Variants in DPYSL2 observed in about 807,000 individuals in gnomAD.
DPYSL2 encodes the protein dihydropyrimidinase-related protein 2.
A neutral mutation model predicts 69.9 loss-of-function variants in DPYSL2; 13 were observed. The ratio of observed to expected loss-of-function variants is 0.19; its 90% CI spans 0.12 to 0.30. The LOEUF is 0.30. Ranked by LOEUF, DPYSL2 falls within the 10% of genes least tolerant of loss-of-function variation. DPYSL2 has a pLI of 1.00. For synonymous variants in DPYSL2, 326 were observed against 359.1 expected (o/e 0.91, Z 1.04); for missense variants, 587 against 918.9 (o/e 0.64, Z 4.67).
intron 3 of DPYSL2, among the ~76,000 whole-genome samples, chr8:26,600,037 C>G (rs1208881743): frequency 2.6e-5 from 4 of 152,214 alleles, no homozygotes; most frequent in Non-Finnish European, 4.4e-5. Flanking sequence ...TAGCTGGCTT[C>G]TTTCCCTTAG....
chr8:26,583,793 A>G lies in DPYSL2; in HGVS notation c.444-6A>G. 1.9e-6 allele frequency: 3 copies of G among 1,606,606 alleles called. No individual in the cohort carries two copies. The highest frequency in any genetic ancestry group is 2.6e-6 in the Non-Finnish European group (3 of 1,176,470). ...ACAACCCTTATCACCAACCCTGTTT[A>G]TTTAGGCAAATAGGAGAAAATCTGA... On this transcript the variant is annotated splice_polypyrimidine_tract_variant and splice_region_variant and intron_variant, in intron 2 of 13. Transcript: ENST00000521913.
At chr8:26,547,090 C>T (rs1213576275) in intron 1 of DPYSL2, among the ~76,000 whole-genome samples, 2 of 151,142 alleles carry the variant, frequency 1.3e-5, no homozygotes, top group East Asian at 2.0e-4. Context: ...AGGCCAGGAG[C>T]GGTGGCTCAT....
chr8:26,642,997 CTG>C lies in DPYSL2; in HGVS notation c.1127-439_1127-438del, dbSNP rs1276658942. On this transcript the variant is annotated intron_variant, in intron 8 of 13. Coordinates refer to ENST00000521913, the MANE Select transcript of DPYSL2 (RefSeq NM_001197293.3). The surrounding 1 kb of genome is among the most constrained non-coding windows in gnomAD (Gnocchi z 5.3). The stretch of plus-strand genomic sequence containing the variant: ...GCAGACCTTTAGTCAGAGCTAGACA[CTG>C]TGAAGGGCTAGGAATTGTGAAAAGA... The C allele has an allele frequency of 6.3e-6, 1 of 159,594 alleles. No individual in the cohort carries two copies. The highest frequency in any genetic ancestry group is 6.0e-5 in the Admixed American group (1 of 16,726). 9.9% of individuals were successfully genotyped at this position (159,594 alleles called of 1,614,324 possible). A position where few individuals can be genotyped will look rare whatever the true frequency, so the allele number is the denominator to read the frequency against.
intron 1 of DPYSL2, among the ~76,000 whole-genome samples, chr8:26,563,342 T>C (rs1193847853): frequency 2.0e-5 from 3 of 152,244 alleles, no homozygotes; most frequent in Non-Finnish European, 2.9e-5. Context: ...GGCTTCCTCC[T>C]TCTCATCTTT....
At chr8:26,561,790 T>G (rs1239541641) in intron 1 of DPYSL2, among the ~76,000 whole-genome samples, 1 of 152,108 alleles carries the variant, frequency 6.6e-6, no homozygotes, top group Non-Finnish European at 1.5e-5. Context: ...CACAGTAGGG[T>G]TCGAGCTCCT....
chr8:26,530,114 A>AC (rs1563376222), intron 1 of DPYSL2, among the ~76,000 whole-genome samples: 1 of 6,142 alleles, frequency 1.6e-4, no homozygotes, highest in Non-Finnish European at 3.8e-4. Flanking sequence ...CTCCGTCTCC[A>AC]AAAAAAAAAA....
At chr8:26,632,826 T>G (rs1353099917) in intron 7 of DPYSL2, among the ~76,000 whole-genome samples, 1 of 152,260 alleles carries the variant, frequency 6.6e-6, no homozygotes, top group African/African-American at 2.4e-5. Flanking sequence ...GAGAGAGGGC[T>G]TCTCCTTCAG....
Position 26,626,519 on chromosome 8 carries a change from ACACG to A in DPYSL2, c.794-97_794-94del, listed in dbSNP as rs2129912475. On this transcript the variant is annotated intron_variant, in intron 4 of 13. Coordinates refer to ENST00000521913, the MANE Select transcript of DPYSL2 (RefSeq NM_001197293.3). This position sits in a 1 kb window ranked among gnomAD's most constrained non-coding sequence, Gnocchi z 4.3. The stretch of plus-strand genomic sequence containing the variant: ...CACACACACACACACACACACACAC[ACACG>A]TACACACACAGACAGTATTATCACT... 4.1e-6 allele frequency: 4 copies of A among 968,126 alleles called. No homozygotes were observed. Among genetic ancestry groups the A allele is most frequent in the Non-Finnish European group, 1.6e-6 (1 of 622,912 alleles). 60.0% of individuals were successfully genotyped at this position (968,126 alleles called of 1,614,324 possible).
At chr8:26,603,710 T>A (rs979659062) in intron 3 of DPYSL2, among the ~76,000 whole-genome samples, 1 of 152,210 alleles carries the variant, frequency 6.6e-6, no homozygotes, top group Non-Finnish European at 1.5e-5. Flanking sequence ...TCTATTATAG[T>A]TGTTTCTATG....
chr8:26,579,106 C>T (rs1801426667), intron 1 of DPYSL2, among the ~76,000 whole-genome samples: 1 of 152,242 alleles, frequency 6.6e-6, no homozygotes, highest in Admixed American at 6.5e-5. Flanking sequence ...GGCGCGGGGA[C>T]CGCGGCGAGC....
In DPYSL2 at chr8:26,550,723, A is replaced by G. The variant is rs137983000; in HGVS notation, c.355-31246A>G. Among the ~76,000 whole-genome samples, 268 of 152,314 alleles carry G rather than the reference A, an allele frequency of 1.8e-3. 1 individual carries two copies. Among genetic ancestry groups the G allele is most frequent in the Middle Eastern group, 3.4e-3 (1 of 294 alleles). ...GTTATGAAGGCTGAGAATTCCCATG[A>G]TAGACTGTCTGCAAGCTGGAGAACC... On this transcript the variant is annotated intron_variant, in intron 1 of 13. Transcript: ENST00000521913.
intron 1 of DPYSL2, among the ~76,000 whole-genome samples, chr8:26,526,820 C>T (rs755973410): frequency 2.6e-5 from 4 of 152,292 alleles, no homozygotes; most frequent in East Asian, 1.9e-4. Context: ...ATCCATGGGG[C>T]GCCTCTGTCC....
chr8:26,522,260 A>G (rs996708718), intron 1 of DPYSL2, among the ~76,000 whole-genome samples: 10 of 152,210 alleles, frequency 6.6e-5, no homozygotes, highest in Non-Finnish European at 2.9e-5. Flanking sequence ...GTGAGCCAAG[A>G]TCACACCACT....
At chr8:26,549,200 TTAATAATAA>T (rs57336957) in intron 1 of DPYSL2, among the ~76,000 whole-genome samples, 1 of 146,398 alleles carries the variant, frequency 6.8e-6, no homozygotes, top group Non-Finnish European at 1.5e-5. Flanking sequence ...AAAAATTAAG[TTAATAATAA>T]TAATAATAAT....
chr8:26,574,513 T>A (rs1801295131), intron 1 of DPYSL2, among the ~76,000 whole-genome samples: 1 of 152,238 alleles, frequency 6.6e-6, no homozygotes, highest in Admixed American at 6.5e-5. Context: ...TTACTGCATC[T>A]GGCTCTTTTA....
intron 1 of DPYSL2, among the ~76,000 whole-genome samples, chr8:26,563,577 G>C (rs982791370): frequency 6.6e-6 from 1 of 152,146 alleles, no homozygotes; most frequent in African/African-American, 2.4e-5. Flanking sequence ...TTGCTCTTGG[G>C]ACTAAATCTC....
rs922302669 is a variant in DPYSL2, at chr8:26,626,873, C to T, written c.855+195C>T. 6.6e-5 allele frequency among the ~76,000 whole-genome samples: 10 copies of T among 152,276 alleles called. No individual in the cohort carries two copies. The highest frequency in any genetic ancestry group is 3.9e-4 in the East Asian group (2 of 5,160). On this transcript the variant is annotated intron_variant, in intron 5 of 13. Coordinates refer to ENST00000521913, the MANE Select transcript of DPYSL2 (RefSeq NM_001197293.3). The surrounding 1 kb of genome is among the most constrained non-coding windows in gnomAD (Gnocchi z 4.3). ...GCCCTGGCCCCCAGCACTGCCACTCCGCCGCCCTGGATCTGAGGCTCTGCC... is the reference window on the plus strand; with the variant it reads ...GCCCTGGCCCCCAGCACTGCCACTCTGCCGCCCTGGATCTGAGGCTCTGCC...
intron 11 of DPYSL2, among the ~76,000 whole-genome samples, chr8:26,649,142 T>A (rs927165957): frequency 2.0e-5 from 3 of 152,198 alleles, no homozygotes; most frequent in Non-Finnish European, 4.4e-5. Context: ...TTATCCCAAT[T>A]TGGGAAAATA....
chr8:26,626,421 T>C lies in DPYSL2; in HGVS notation c.794-196T>C, dbSNP rs1022027428. On this transcript the variant is annotated intron_variant, in intron 4 of 13. Coordinates refer to ENST00000521913, the MANE Select transcript of DPYSL2 (RefSeq NM_001197293.3). This position sits in a 1 kb window ranked among gnomAD's most constrained non-coding sequence, Gnocchi z 4.3. ...CCACATTCACAGGTTATTTATATGG[T>C]ACTCTGCTTCCTTTACCATTCTGTG... Among the ~76,000 whole-genome samples, 2 of 152,004 alleles carry C rather than the reference T, an allele frequency of 1.3e-5. No individual in the cohort carries two copies. The highest frequency in any genetic ancestry group is 2.9e-5 in the Non-Finnish European group (2 of 68,024).
Sources: gnomAD v4.1 joint callset for allele counts (sites outside exome capture counted in the v4.1 genomes callset) on GRCh38, gnomAD v4.1.1 for gene constraint, Gnocchi (gnomAD v3.1) non-coding constraint, MANE v1.5 for transcripts, NCBI Gene and HGNC (gene_info 2026-07-23, HGNC 2026-07-21) for gene names.